The following SIK3 variants were observed in gnomAD, a reference collection of about 807,000 sequenced individuals.
SIK3 encodes SIK family kinase 3.
A neutral mutation model predicts 144.2 loss-of-function variants in SIK3; 28 were observed. That is an observed-to-expected ratio of 0.19 (90% CI 0.14 to 0.27). The LOEUF is 0.27. Among genes scored for constraint, SIK3 ranks in the 10% least tolerant of loss-of-function variants. The probability of loss-of-function intolerance (pLI) is 1.00; values close to 1 mark genes in which losing one functional copy is unlikely to be tolerated. For missense variants in SIK3, 1,319 were observed against 1,776.0 expected (o/e 0.74, Z 4.62); for synonymous variants, 686 against 676.3 (o/e 1.01, Z -0.22).
chr11:116,942,597 T>G lies in SIK3; in HGVS notation c.454+11447A>C, dbSNP rs967491957. On this transcript the variant is annotated intron_variant, in intron 3 of 24. Coordinates refer to ENST00000445177, the MANE Select transcript of SIK3 (RefSeq NM_001366686.3). ...TTAGACAGCATGGTGAGCAAACACC[T>G]CTCTAATGAGATAACATTTGATAAG... is the stretch of plus-strand genomic sequence containing the variant. Among the ~76,000 whole-genome samples the G allele has an allele frequency of 8.5e-5, 13 of 152,268 alleles. 1 individual carries two copies. Among genetic ancestry groups the G allele is most frequent in the Middle Eastern group, 6.8e-3 (2 of 294 alleles).
chr11:116,848,170 T>C (rs1942141802), intron 22 of SIK3, among the ~76,000 whole-genome samples: 1 of 148,654 alleles, frequency 6.7e-6, no homozygotes, highest in Admixed American at 6.8e-5. Flanking sequence ...AAAAATTAGC[T>C]GGGCTAAAAA....
At chr11:116,999,574 A>T (rs1206461072) in intron 1 of SIK3, among the ~76,000 whole-genome samples, 1 of 145,242 alleles carries the variant, frequency 6.9e-6, no homozygotes, top group Non-Finnish European at 1.5e-5. Context: ...TTTTTGTGGC[A>T]TTTTGTTTTC....
chr11:116,877,343 T>C (rs1010037265), intron 6 of SIK3, among the ~76,000 whole-genome samples: 1 of 152,348 alleles, frequency 6.6e-6, no homozygotes, highest in East Asian at 1.9e-4. Flanking sequence ...ATTATGTATA[T>C]GGCCCTATTT....
At chr11:117,025,451 AT>A (rs59365543) in intron 1 of SIK3, among the ~76,000 whole-genome samples, 48 of 148,022 alleles carry the variant, frequency 3.2e-4, no homozygotes, top group East Asian at 5.9e-4. Flanking sequence ...GCCCAATACA[AT>A]TTTTTTTTTT....
At chr11:116,862,404 GC>G in intron 16 of SIK3, 77 bp from the exon 17 acceptor site, 1 of 1,590,910 alleles carries the variant, frequency 6.3e-7, no homozygotes, top group Non-Finnish European at 8.6e-7. Context: ...ATGCAGATCT[GC>G]CTCCAAGCTC....
chr11:117,087,958 G>T (rs1955086623), intron 1 of SIK3, among the ~76,000 whole-genome samples: 1 of 152,198 alleles, frequency 6.6e-6, no homozygotes, highest in African/African-American at 2.4e-5. Flanking sequence ...GGCCAGGCGT[G>T]ATGGCTCACA....
chr11:116,909,139 G>A (rs1230979023), intron 4 of SIK3, among the ~76,000 whole-genome samples: 1 of 152,128 alleles, frequency 6.6e-6, no homozygotes. Context: ...CTCACAGACT[G>A]TTGGATGAAA....
chr11:117,098,191 G>A lies in SIK3; in HGVS notation c.225C>T (p.Gly75=), dbSNP rs778021495. 1 of 1,523,402 alleles carries A rather than the reference G, an allele frequency of 6.6e-7. No homozygotes were observed. The highest frequency in any genetic ancestry group is 1.2e-5 in the South Asian group (1 of 86,806). The allele number at this position is 1,523,402 out of a possible 1,614,324, so 94.4% of individuals were successfully genotyped here. ...YYEIDRTIGK[G]NFAVVKRATH... ...TGGCCCGCTTGACCACCGCGAAGTTGCCCTTGCCGATGGTGCGGTCGATCT... is the reference window on the plus strand; with the variant it reads ...TGGCCCGCTTGACCACCGCGAAGTTACCCTTGCCGATGGTGCGGTCGATCT... Residue 75 remains glycine (G), a synonymous_variant, in exon 1 of 25, where the codon GGC becomes GGT. Transcript: ENST00000445177.
At chr11:116,907,947 A>C (rs374495195) in intron 4 of SIK3, among the ~76,000 whole-genome samples, 1 of 151,458 alleles carries the variant, frequency 6.6e-6, no homozygotes, top group East Asian at 1.9e-4. Flanking sequence ...CAGGTGGATT[A>C]TAGCCCTAAT....
intron 13 of SIK3, among the ~76,000 whole-genome samples, chr11:116,872,353 C>T (rs910372112): frequency 6.6e-6 from 1 of 152,218 alleles, no homozygotes; most frequent in Non-Finnish European, 1.5e-5. Context: ...CCTTCCAAAC[C>T]TGTCTTGCCC....
rs1944757456 is a variant in SIK3, at chr11:116,885,345, C to T, written c.866-8303G>A. Among the ~76,000 whole-genome samples the T allele has an allele frequency of 2.0e-5, 3 of 152,118 alleles. No homozygotes were observed. The South Asian group carries it at 6.2e-4, about 32-fold the overall frequency. ...GAAAAGGTTTTGACCCATGTATATC[C>T]ATTTATTAGAAAAATGACACCTATT... On this transcript the variant is annotated intron_variant, in intron 6 of 24. Coordinates refer to ENST00000445177, the MANE Select transcript of SIK3 (RefSeq NM_001366686.3).
chr11:116,852,121 TA>T (rs1942504521), intron 21 of SIK3, among the ~76,000 whole-genome samples: 1 of 152,260 alleles, frequency 6.6e-6, no homozygotes, highest in Non-Finnish European at 1.5e-5. Flanking sequence ...ACAGCAAAGC[TA>T]ACAAAATGTA....
At position 116,875,888 on chromosome 11, in the gene SIK3, A is replaced by C; in HGVS notation, c.1217T>G (p.Phe406Cys). The change falls in exon 9 of 25, where the codon TTT (phenylalanine) becomes TGT (cysteine). Residue 406 changes from phenylalanine (F) to cysteine (C), a missense_variant. By Grantham distance (205) the Phe-to-Cys change is radical. This residue lies in a region of SIK3 where 109 missense variants were observed against 109.3 expected (regional missense o/e 1.00). Transcript: ENST00000445177. ...ALPSMPRALA[F>C]QAPVNIQAEQ... ...CACCTGGATATTGACTGGTGCTTGA[A>C]AGGCCAGGGCTCGGGGCATGCTAGG... 1 of 1,605,432 alleles carries C rather than the reference A, an allele frequency of 6.2e-7. No individual in the cohort carries two copies. Among genetic ancestry groups the C allele is most frequent in the Non-Finnish European group, 8.5e-7 (1 of 1,177,930 alleles).
At position 116,967,532 on chromosome 11, in the gene SIK3, T is replaced by C. The variant is rs151123744; in HGVS notation, c.274-10468A>G. Among the ~76,000 whole-genome samples, 1,499 of 152,308 alleles carry C rather than the reference T, an allele frequency of 9.8e-3. 25 individuals carry two copies. The highest frequency in any genetic ancestry group is 0.035 in the African/African-American group (1,454 of 41,556). ...ACAGTCTGCGTGAAGTAGCAGGAGC[T>C]GAGTGAACCAAGGAAACAGAAAACA... On this transcript the variant is annotated intron_variant, in intron 1 of 24. Coordinates refer to ENST00000445177, the MANE Select transcript of SIK3 (RefSeq NM_001366686.3).
Position 116,858,748 on chromosome 11 carries a change from C to T in SIK3, c.2766-49G>A. 6.6e-7 allele frequency: 1 copy of T among 1,513,840 alleles called. No individual in the cohort carries two copies. Among genetic ancestry groups the T allele is most frequent in the Non-Finnish European group, 8.8e-7 (1 of 1,131,662 alleles). 93.8% of individuals were successfully genotyped at this position (1,513,840 alleles called of 1,614,324 possible). A position where few individuals can be genotyped will look rare whatever the true frequency, so the allele number is the denominator to read the frequency against. ...AGACATCCATGTAACAAGTACTAGA[C>T]TTCCTGGGAACAGCTCCTCCTCCTC... On this transcript the variant is annotated intron_variant, in intron 20 of 24. Coordinates refer to ENST00000445177, the MANE Select transcript of SIK3 (RefSeq NM_001366686.3). The surrounding 1 kb of genome is among the most constrained non-coding windows in gnomAD (Gnocchi z 5.4).
Position 116,875,925 on chromosome 11 carries a change from G to A in SIK3, c.1180C>T (p.Leu394Phe). ...DRHKRHKTLR[L>F]GALPSMPRAL... Reference sequence around the variant, plus strand: ...CGGGGCATGCTAGGAAGTGCTCCGAGACGCAGGGTTTTATGTCTCTTATGT... The same window carrying A: ...CGGGGCATGCTAGGAAGTGCTCCGAAACGCAGGGTTTTATGTCTCTTATGT... Residue 394 changes from leucine (L) to phenylalanine (F), a missense_variant, in exon 9 of 25, where the codon CTC becomes TTC. By Grantham distance (22) the Leu-to-Phe change is conservative. Around this residue, in one of 8 missense-constraint regions of SIK3, gnomAD observed 109 missense variants for 109.3 expected, o/e 1.00. Transcript: ENST00000445177. 1 of 1,613,176 alleles carries A rather than the reference G, an allele frequency of 6.2e-7. No homozygotes were observed. Among genetic ancestry groups the A allele is most frequent in the Non-Finnish European group, 8.5e-7 (1 of 1,179,800 alleles).
rs1339184234 is a variant in SIK3, at chr11:116,897,333, G to A, written c.617-16C>T. 1 of 1,610,628 alleles carries A rather than the reference G, an allele frequency of 6.2e-7. No homozygotes were observed. ...AAACCAAAATCTAGAAAGGCAAATG[G>A]ACATAATTCGTATTATTGTAACCTT... On this transcript the variant is annotated splice_polypyrimidine_tract_variant and intron_variant, in intron 4 of 24. Coordinates refer to ENST00000445177, the MANE Select transcript of SIK3 (RefSeq NM_001366686.3).
chr11:116,866,158 T>C (rs1489210620), intron 15 of SIK3, among the ~76,000 whole-genome samples: 1 of 152,122 alleles, frequency 6.6e-6, no homozygotes, highest in African/African-American at 2.4e-5. Context: ...TGATAAAGCC[T>C]GACTCTGGAA....
At chr11:117,062,942 TAA>T (rs1347457837) in intron 1 of SIK3, among the ~76,000 whole-genome samples, 3 of 152,232 alleles carry the variant, frequency 2.0e-5, no homozygotes, top group Non-Finnish European at 4.4e-5. Context: ...CAATGTGATT[TAA>T]GTTTGTTTTT....
Sources: gnomAD v4.1 joint callset for allele counts (sites outside exome capture counted in the v4.1 genomes callset) on GRCh38, gnomAD v4.1.1 for gene constraint, gnomAD v4.1.1 regional missense constraint, Gnocchi (gnomAD v3.1) non-coding constraint, MANE v1.5 for transcripts, NCBI Gene and HGNC (gene_info 2026-07-23, HGNC 2026-07-21) for gene names.